CCDC178: variants seen among roughly 807,000 people sequenced by gnomAD.
The protein encoded by CCDC178 is coiled-coil domain containing 178, also known as coiled-coil domain-containing protein 178.
Under a neutral mutation model 117.4 loss-of-function variants are expected in CCDC178, and 126 were observed. That is an observed-to-expected ratio of 1.07 (90% CI 0.93 to 1.24). The LOEUF is 1.24. CCDC178 is among the 50% of genes most tolerant of loss of function. The pLI is 0.00. For missense variants in CCDC178, 1,030 were observed against 986.9 expected, an observed-to-expected ratio of 1.04 and a Z score of -0.59; for synonymous variants, 283 against 313.4, an observed-to-expected ratio of 0.90 and a Z score of 1.02.
intron 15 of CCDC178, among the ~76,000 whole-genome samples, chr18:33,229,222 T>A (rs561003305): frequency 3.8e-4 from 58 of 152,222 alleles, no homozygotes; most frequent in African/African-American, 1.3e-3. Flanking sequence ...CCATGAGCAA[T>A]AATGGACCAT....
chr18:33,186,504 T>C (rs575721263), intron 20 of CCDC178, among the ~76,000 whole-genome samples: 2 of 152,242 alleles, frequency 1.3e-5, no homozygotes, highest in East Asian at 1.9e-4. Context: ...GTGACAATGT[T>C]CTAATTCTGC....
chr18:33,250,950 T>C (rs1328232761), intron 14 of CCDC178, among the ~76,000 whole-genome samples: 1 of 151,510 alleles, frequency 6.6e-6, no homozygotes, highest in Non-Finnish European at 1.5e-5. Flanking sequence ...ATCCAAAATG[T>C]CATCAGATGT....
intron 15 of CCDC178, among the ~76,000 whole-genome samples, chr18:33,232,636 G>T (rs970774380): frequency 6.6e-6 from 1 of 152,146 alleles, no homozygotes; most frequent in Non-Finnish European, 1.5e-5. Context: ...AGCCCAACCT[G>T]ATTCTATCTG....
intron 21 of CCDC178, among the ~76,000 whole-genome samples, chr18:32,989,678 C>T (rs1342347062): frequency 6.6e-6 from 1 of 151,966 alleles, no homozygotes; most frequent in African/African-American, 2.4e-5. Context: ...TGATATTTTC[C>T]AAACCATTTA....
At chr18:33,411,620 C>CAA (rs1206675361) in intron 3 of CCDC178, among the ~76,000 whole-genome samples, 7 of 151,832 alleles carry the variant, frequency 4.6e-5, no homozygotes, top group African/African-American at 1.7e-4. Flanking sequence ...TTTAATATTC[C>CAA]ATGTTTAGCT....
chr18:32,977,560 C>T (rs2055053456), intron 21 of CCDC178, among the ~76,000 whole-genome samples: 1 of 152,092 alleles, frequency 6.6e-6, no homozygotes, highest in South Asian at 2.1e-4. Flanking sequence ...GGGAGCCTAC[C>T]TTGTACAAAA....
rs543334265 is a variant in CCDC178 at position 32,959,935 on chromosome 18, T to C, written c.2523+14612A>G. 2.6e-5 allele frequency among the ~76,000 whole-genome samples: 4 copies of C among 152,138 alleles called. No individual in the cohort carries two copies. The East Asian group carries it at 7.7e-4, about 29-fold the overall frequency. ...AAGTCTAAGAAAAAATCAGAATACA[T>C]AAAATTTATGTCTTTCCAATAAAAG... is the stretch of plus-strand genomic sequence containing the variant. On this transcript the variant is annotated intron_variant, in intron 22 of 22. Transcript: ENST00000383096.
intron 12 of CCDC178, among the ~76,000 whole-genome samples, chr18:33,277,854 C>T (rs1013672751): frequency 2.0e-5 from 3 of 152,134 alleles, no homozygotes; most frequent in Non-Finnish European, 2.9e-5. Context: ...TCTAACGGCA[C>T]TGATTATAAA....
chr18:33,412,500 G>A (rs562140980), intron 2 of CCDC178, among the ~76,000 whole-genome samples: 19 of 151,962 alleles, frequency 1.3e-4, no homozygotes, highest in African/African-American at 3.9e-4. Context: ...CCTTCCTTCA[G>A]TTCCTTTTTA....
At chr18:33,256,526 TA>T (rs2059682299) in intron 14 of CCDC178, among the ~76,000 whole-genome samples, 1 of 152,096 alleles carries the variant, frequency 6.6e-6, no homozygotes, top group Non-Finnish European at 1.5e-5. Context: ...CCAACTTGAG[TA>T]AACTACGGTT....
At chr18:32,987,652 T>G (rs1020688143) in intron 21 of CCDC178, among the ~76,000 whole-genome samples, 2 of 152,198 alleles carry the variant, frequency 1.3e-5, no homozygotes, top group Non-Finnish European at 1.5e-5. Context: ...TATAAAATCT[T>G]ATGAGATCAT....
chr18:33,415,041 T>C (rs927807057), intron 2 of CCDC178, among the ~76,000 whole-genome samples: 2 of 152,148 alleles, frequency 1.3e-5, no homozygotes, highest in African/African-American at 4.8e-5. Context: ...CATTAAAAAG[T>C]CAAGAAACAA....
intron 21 of CCDC178, among the ~76,000 whole-genome samples, chr18:33,062,626 C>T (rs73417430): frequency 1.3e-5 from 2 of 152,238 alleles, no homozygotes; most frequent in African/African-American, 4.8e-5. Flanking sequence ...CAATTCCAGC[C>T]AAGGGAGAGC....
chr18:33,006,961 C>T (rs1205287222), intron 21 of CCDC178, among the ~76,000 whole-genome samples: 1 of 151,994 alleles, frequency 6.6e-6, no homozygotes, highest in African/African-American at 2.4e-5. Context: ...GGATTTCAGT[C>T]TTGTGAGATG....
chr18:33,145,406 A>G (rs1437472319), intron 20 of CCDC178, among the ~76,000 whole-genome samples: 1 of 152,152 alleles, frequency 6.6e-6, no homozygotes, highest in African/African-American at 2.4e-5. Context: ...TAATTTCCCA[A>G]CTTGTTATAG....
intron 22 of CCDC178, among the ~76,000 whole-genome samples, chr18:32,965,175 T>A (rs2054785926): frequency 6.6e-6 from 1 of 151,970 alleles, no homozygotes. Flanking sequence ...TTCTCATCAA[T>A]CCCTTCAGCC....
At chr18:32,955,461 T>C (rs1224351868) in intron 22 of CCDC178, among the ~76,000 whole-genome samples, 1 of 152,196 alleles carries the variant, frequency 6.6e-6, no homozygotes, top group Non-Finnish European at 1.5e-5. Context: ...GCAATTATCA[T>C]ACTATATTGA....
At chr18:33,158,181 T>G (rs542390404) in intron 20 of CCDC178, among the ~76,000 whole-genome samples, 1 of 152,324 alleles carries the variant, frequency 6.6e-6, no homozygotes, top group African/African-American at 2.4e-5. Context: ...AAGACTTTCC[T>G]AATATTATTT....
rs757035343 is a variant in CCDC178, at chr18:33,333,231, G to A, written c.822C>T (p.Asp274=). The change falls in exon 10 of 23, where the codon GAC becomes GAT. Residue 274 remains aspartate (D), a synonymous_variant. Coordinates refer to ENST00000383096, the MANE Select transcript of CCDC178 (RefSeq NM_001105528.4). ...CTTGAAGTTCCTGATTCTGCTTAGA[G>A]TCCAGTAGAGGGCCATGTTCATTCA... is the stretch of plus-strand genomic sequence containing the variant. ...DYMNEHGPLL[D]SKQNQELQDL... 24 of 1,612,444 alleles carry A rather than the reference G, an allele frequency of 1.5e-5. No homozygotes were observed. Among genetic ancestry groups the A allele is most frequent in the Non-Finnish European group, 2.0e-5 (23 of 1,179,116 alleles).
Sources: allele counts gnomAD v4.1 joint callset (sites outside exome capture counted in the v4.1 genomes callset), GRCh38; gene constraint gnomAD v4.1.1; transcripts MANE v1.5; gene names NCBI Gene and HGNC (gene_info 2026-07-23, HGNC 2026-07-21).